Variants in SLC9A9 observed in about 807,000 individuals in gnomAD.
SLC9A9 encodes the protein solute carrier family 9 member A9, also known as sodium/hydrogen exchanger 9.
Under a neutral mutation model 77.8 loss-of-function variants are expected in SLC9A9, and 62 were observed. The ratio of observed to expected loss-of-function variants is 0.80; its 90% CI spans 0.65 to 0.98. The LOEUF (loss-of-function observed/expected upper bound fraction) is 0.98. Ranked by LOEUF, SLC9A9 falls within the 50% of genes least tolerant of loss-of-function variation. The pLI, the probability that SLC9A9 is intolerant of heterozygous loss-of-function variation, is 0.00. For missense variants in SLC9A9, 775 were observed against 774.9 expected (o/e 1.00, Z 0.00); for synonymous variants, 320 against 283.5 (o/e 1.13, Z -1.29).
rs139647358 is a variant in SLC9A9, at chr3:143,464,206, T to C, written c.1469+2831A>G. Among the ~76,000 whole-genome samples, 14 of 152,302 alleles carry C rather than the reference T, an allele frequency of 9.2e-5. No individual in the cohort carries two copies. In the East Asian group the frequency reaches 2.7e-3, roughly 29 times the overall value. Reference sequence around the variant, plus strand: ...TTATTAAAGCTCCAATTTACTTACTTCGTGGTGTTTTTGGAGAAGAGTCTG... The same window carrying C: ...TTATTAAAGCTCCAATTTACTTACTCCGTGGTGTTTTTGGAGAAGAGTCTG... On this transcript the variant is annotated intron_variant, in intron 12 of 15. Transcript: ENST00000316549.
intron 12 of SLC9A9, among the ~76,000 whole-genome samples, chr3:143,421,426 T>A (rs1054542119): frequency 6.6e-5 from 10 of 151,824 alleles, no homozygotes; most frequent in African/African-American, 2.4e-4. Flanking sequence ...ATAGACCAAC[T>A]GAACAGAATA....
At chr3:143,399,723 A>G (rs2033808786) in intron 12 of SLC9A9, among the ~76,000 whole-genome samples, 1 of 152,192 alleles carries the variant, frequency 6.6e-6, no homozygotes. Flanking sequence ...GTTTTGGCCT[A>G]TCATTCTAGG....
chr3:143,320,197 A>T (rs1299199263), intron 14 of SLC9A9, among the ~76,000 whole-genome samples: 1 of 152,198 alleles, frequency 6.6e-6, no homozygotes, highest in East Asian at 1.9e-4. Context: ...CCCTTCATCC[A>T]TCTTACTATC....
Position 143,406,561 on chromosome 3 carries a change from A to G in SLC9A9, c.1470-24447T>C, listed in dbSNP as rs561315579. Among the ~76,000 whole-genome samples the G allele has an allele frequency of 6.2e-4, 94 of 152,188 alleles. 1 individual carries two copies. Among genetic ancestry groups the G allele is most frequent in the African/African-American group, 2.2e-3 (91 of 41,546 alleles). Reference sequence around the variant, plus strand: ...TTTTTAGTAAAGACAGGGTTTCACCATGTTGGTCAAGCTGGTCTTGAACTC... The same window carrying G: ...TTTTTAGTAAAGACAGGGTTTCACCGTGTTGGTCAAGCTGGTCTTGAACTC... On this transcript the variant is annotated intron_variant, in intron 12 of 15. Coordinates refer to ENST00000316549, the MANE Select transcript of SLC9A9 (RefSeq NM_173653.4).
chr3:143,653,283 T>C (rs2038831146), intron 5 of SLC9A9, among the ~76,000 whole-genome samples: 1 of 152,138 alleles, frequency 6.6e-6, no homozygotes, highest in African/African-American at 2.4e-5. Flanking sequence ...GGGCAGTCAA[T>C]ACTCACACAC....
At chr3:143,604,348 A>G (rs1033239419) in intron 6 of SLC9A9, among the ~76,000 whole-genome samples, 1 of 152,236 alleles carries the variant, frequency 6.6e-6, no homozygotes, top group African/African-American at 2.4e-5. Context: ...TGAATAAGAC[A>G]AGAAGTAAGG....
intron 4 of SLC9A9, among the ~76,000 whole-genome samples, chr3:143,758,135 A>G (rs2006989544): frequency 6.6e-6 from 1 of 152,176 alleles, no homozygotes; most frequent in Non-Finnish European, 1.5e-5. Context: ...ATCATTTATA[A>G]CACTCAGTTC....
At chr3:143,646,889 G>A (rs2108743798) in intron 6 of SLC9A9, among the ~76,000 whole-genome samples, 1 of 152,038 alleles carries the variant, frequency 6.6e-6, no homozygotes, top group Admixed American at 6.5e-5. Context: ...ATATTTGCCA[G>A]GTAAAAATAA....
chr3:143,284,828 G>A (rs1487831044), intron 14 of SLC9A9, among the ~76,000 whole-genome samples: 3 of 152,106 alleles, frequency 2.0e-5, no homozygotes, highest in Non-Finnish European at 2.9e-5. Flanking sequence ...GTGTTCAGGG[G>A]CTTCCCCTAC....
At chr3:143,543,301 G>T (rs938638811) in intron 9 of SLC9A9, among the ~76,000 whole-genome samples, 3 of 151,628 alleles carry the variant, frequency 2.0e-5, no homozygotes, top group Non-Finnish European at 2.9e-5. Flanking sequence ...TATACCAGCG[G>T]CCCACCCCTA....
intron 14 of SLC9A9, among the ~76,000 whole-genome samples, chr3:143,271,128 G>C (rs1314813977): frequency 2.8e-5 from 4 of 143,476 alleles, no homozygotes; most frequent in Non-Finnish European, 5.9e-5. Context: ...AAAAAGCATA[G>C]TGTATACAGA....
At chr3:143,461,253 G>A (rs11918645) in intron 12 of SLC9A9, among the ~76,000 whole-genome samples, 1 of 152,058 alleles carries the variant, frequency 6.6e-6, no homozygotes, top group South Asian at 2.1e-4. Flanking sequence ...TCTTTAAGGC[G>A]TTTATCATTT....
At chr3:143,527,664 G>A (rs1182183498) in intron 9 of SLC9A9, among the ~76,000 whole-genome samples, 4 of 152,194 alleles carry the variant, frequency 2.6e-5, no homozygotes, top group Admixed American at 6.5e-5. Flanking sequence ...GTCTACCGAA[G>A]GAAAGCCAAA....
In SLC9A9 at chr3:143,552,348, A is replaced by T. The variant is rs1405676433; in HGVS notation, c.1089+14T>A. ...AGAAAAGAGACCAAGTCTGTAGTAA[A>T]TTTTTTCTTTTACCTGTTTAGTTCT... On this transcript the variant is annotated intron_variant, in intron 9 of 15. Transcript: ENST00000316549. 2 of 1,599,004 alleles carry T rather than the reference A, an allele frequency of 1.3e-6. No individual in the cohort carries two copies. The highest frequency in any genetic ancestry group is 1.7e-6 in the Non-Finnish European group (2 of 1,168,748).
chr3:143,529,349 A>T (rs1232159911), intron 9 of SLC9A9, among the ~76,000 whole-genome samples: 1 of 152,238 alleles, frequency 6.6e-6, no homozygotes, highest in Non-Finnish European at 1.5e-5. Context: ...AGGATTTCTT[A>T]ATTCATCTGA....
intron 5 of SLC9A9, among the ~76,000 whole-genome samples, chr3:143,679,475 A>T (rs2108772015): frequency 6.6e-6 from 1 of 152,304 alleles, no homozygotes; most frequent in South Asian, 2.1e-4. Flanking sequence ...TTTAGACCAG[A>T]CAATTACCTG....
chr3:143,828,640 C>T (rs543066004), intron 2 of SLC9A9, among the ~76,000 whole-genome samples: 87 of 152,050 alleles, frequency 5.7e-4, no homozygotes, highest in African/African-American at 2.0e-3. Context: ...AATGGGTAAG[C>T]CCTCTCTGAA....
chr3:143,352,109 C>T (rs2032470313), intron 14 of SLC9A9, among the ~76,000 whole-genome samples: 1 of 152,154 alleles, frequency 6.6e-6, no homozygotes, highest in African/African-American at 2.4e-5. Context: ...AGCCACCCCT[C>T]ATGACTGACA....
At chr3:143,457,208 G>C (rs962862942) in intron 12 of SLC9A9, among the ~76,000 whole-genome samples, 35 of 152,042 alleles carry the variant, frequency 2.3e-4, no homozygotes, top group African/African-American at 8.4e-4. Context: ...GCACAGATGG[G>C]GGTCTCCCTA....
Sources: gnomAD v4.1 joint callset for allele counts (sites outside exome capture counted in the v4.1 genomes callset) on GRCh38, gnomAD v4.1.1 for gene constraint, MANE v1.5 for transcripts, NCBI Gene and HGNC (gene_info 2026-07-23, HGNC 2026-07-21) for gene names.